Variants in RHOT2 observed in about 807,000 individuals in gnomAD.
RHOT2 encodes the protein mitochondrial Rho GTPase 2.
In RHOT2, 90 loss-of-function variants were observed where a neutral mutation model predicts 81.6. That is an observed-to-expected ratio of 1.10 (90% CI 0.93 to 1.31). RHOT2 has a LOEUF of 1.31. Ranked by LOEUF, RHOT2 falls within the 40% of genes most tolerant of loss-of-function variation. RHOT2 has a pLI of 0.00. For missense variants in RHOT2, 1,014 were observed against 841.9 expected (o/e 1.20, Z -2.53); for synonymous variants, 512 against 370.9 (o/e 1.38, Z -4.37).
chr16:673,801 C>T lies in RHOT2; in HGVS notation c.*195C>T. 1.4e-6 allele frequency: 1 copy of T among 736,702 alleles called. No individual in the cohort carries two copies. The highest frequency in any genetic ancestry group is 2.2e-6 in the Non-Finnish European group (1 of 461,974). 45.6% of individuals were successfully genotyped at this position (736,702 alleles called of 1,614,324 possible). On this transcript the variant is annotated 3_prime_UTR_variant, in exon 19 of 19. Coordinates refer to ENST00000315082, the MANE Select transcript of RHOT2 (RefSeq NM_138769.3). Reference sequence around the variant, plus strand: ...ATGCACTGCCCTGGCTCCTGCCGGACCCCCAGGGTGGGCCGTGGCAGGTGG... The same window carrying T: ...ATGCACTGCCCTGGCTCCTGCCGGATCCCCAGGGTGGGCCGTGGCAGGTGG...
rs1411811148 is a variant in RHOT2 at position 674,168 on chromosome 16, C to G, written c.*562C>G. 9.6e-6 allele frequency: 2 copies of G among 207,908 alleles called. No homozygotes were observed. Among genetic ancestry groups the G allele is most frequent in the Non-Finnish European group, 2.0e-5 (2 of 100,002 alleles). 12.9% of individuals were successfully genotyped at this position (207,908 alleles called of 1,614,324 possible). A position where few individuals can be genotyped will look rare whatever the true frequency, so the allele number is the denominator to read the frequency against. On this transcript the variant is annotated 3_prime_UTR_variant, in exon 19 of 19. Coordinates refer to ENST00000315082, the MANE Select transcript of RHOT2 (RefSeq NM_138769.3). ...CTGAAGACAACTTGCTTTGATTCAA[C>G]CTAGAATGTGTTGTTTGTCTTTATG...
chr16:669,613 C>T lies in RHOT2; in HGVS notation c.276+7C>T, dbSNP rs372000119. On this transcript the variant is annotated splice_region_variant and intron_variant, in intron 5 of 18. Transcript: ENST00000315082. ...GGAGGCCACCATTGAGAAGGTGAGC[C>T]CTCAGTGCAGACCCCAACAGCAGAG... 2.5e-6 allele frequency: 4 copies of T among 1,611,350 alleles called. No homozygotes were observed. The South Asian group carries it at 3.3e-5, about 13-fold the overall frequency.
intron 4 of RHOT2, chr16:668,974 C>T: frequency 1.9e-6 from 1 of 521,070 alleles, no homozygotes; most frequent in South Asian, 2.7e-5. Flanking sequence ...CCTGTGGGCT[C>T]TGTGTGCGCC....
At chr16:669,472 C>T in intron 4 of RHOT2, 81 bp from the exon 5 acceptor site, 1 of 1,453,794 alleles carries the variant, frequency 6.9e-7, no homozygotes, top group South Asian at 1.2e-5. Context: ...CTCCTGGAGC[C>T]TCGAGATGGC....
In RHOT2 at chr16:669,571, G is replaced by A. The variant is rs1208122147; in HGVS notation, c.241G>A (p.Val81Met). ...CCCTCAGGCAAACGTGGTGTGTGTG[G>A]TGTATGACGTCTCTGAGGAGGCCAC... ...EIHKANVVCV[V>M]YDVSEEATIE... is the part of the protein sequence containing the mutation. The change falls in exon 5 of 19, where the codon GTG becomes ATG. Residue 81 changes from valine to methionine, a missense_variant. Transcript: ENST00000315082. 1 of 1,611,978 alleles carries A rather than the reference G, an allele frequency of 6.2e-7. No homozygotes were observed. The highest frequency in any genetic ancestry group is 8.5e-7 in the Non-Finnish European group (1 of 1,179,924).
At position 671,081 on chromosome 16, in the gene RHOT2, A is replaced by G. The variant is rs1364607227; in HGVS notation, c.749-2A>G. On this transcript the variant is annotated splice_acceptor_variant, in intron 10 of 18. Coordinates refer to ENST00000315082, the MANE Select transcript of RHOT2 (RefSeq NM_138769.3). LOFTEE classifies it high-confidence loss of function. ...TGCTCCCCCTGCTTTGTCTCGGTGC[A>G]GGTTTCCTCTTCCTGAACACGCTCT... The G allele has an allele frequency of 2.5e-6, 4 of 1,608,638 alleles. No individual in the cohort carries two copies. The highest frequency in any genetic ancestry group is 3.4e-6 in the Non-Finnish European group (4 of 1,179,578).
intron 18 of RHOT2, 28 bp downstream of exon 18, chr16:673,158 G>T (rs1229286461): frequency 3.8e-6 from 6 of 1,599,622 alleles, no homozygotes; most frequent in Non-Finnish European, 3.4e-6. Flanking sequence ...CAGCCCTGGG[G>T]ACTAGCAGTG....
chr16:673,823 G>A lies in RHOT2; in HGVS notation c.*217G>A. ...GGACCCCCAGGGTGGGCCGTGGCAG[G>A]TGGCTGAGCAGGAGCTCCCAAGTGC... On this transcript the variant is annotated 3_prime_UTR_variant, in exon 19 of 19. Coordinates refer to ENST00000315082, the MANE Select transcript of RHOT2 (RefSeq NM_138769.3). The A allele has an allele frequency of 3.0e-6, 2 of 659,136 alleles. No homozygotes were observed. The highest frequency in any genetic ancestry group is 7.9e-4 in the Middle Eastern group (2 of 2,524). The allele number at this position is 659,136 out of a possible 1,614,324, so 40.8% of individuals were successfully genotyped here. A position where few individuals can be genotyped will look rare whatever the true frequency, so the allele number is the denominator to read the frequency against.
At chr16:671,294 T>G in intron 11 of RHOT2, 91 bp downstream of exon 11, 3 of 1,477,320 alleles carry the variant, frequency 2.0e-6, no homozygotes, top group Non-Finnish European at 2.7e-6. Flanking sequence ...ACGCTGGGGT[T>G]TGAGGCCTGC....
rs367626329 is a variant in RHOT2, at chr16:671,950, G to A, written c.1045G>A (p.Val349Ile). 5.0e-6 allele frequency: 8 copies of A among 1,612,208 alleles called. No individual in the cohort carries two copies. Among genetic ancestry groups the A allele is most frequent in the Non-Finnish European group, 5.1e-6 (6 of 1,179,836 alleles). ...CTGGGGCCCCGAGCTCCCACGCACA[G>A]TCCGCACAGAGGCCGGCCGGTTGCC... ...APWGPELPRT[V>I]RTEAGRLPLH... The change falls in exon 13 of 19, where the codon GTC becomes ATC. Residue 349 changes from valine (V) to isoleucine (I), a missense_variant. Coordinates refer to ENST00000315082, the MANE Select transcript of RHOT2 (RefSeq NM_138769.3).
Position 673,061 on chromosome 16 carries a change from TCTC to T in RHOT2, c.1664_1666del (p.Ser555del), listed in dbSNP as rs1291959419. 4 of 1,611,696 alleles carry T rather than the reference TCTC, an allele frequency of 2.5e-6. No individual in the cohort carries two copies. In the African/African-American group the frequency reaches 4.0e-5, roughly 16 times the overall value. On this transcript the variant is annotated inframe_deletion, in exon 18 of 19. Coordinates refer to ENST00000315082, the MANE Select transcript of RHOT2 (RefSeq NM_138769.3). ...CACCGGCTACCCGCTCCCGTGCCGT[TCTC>T]CTGTGCTGGCCCAGCCGAGCCCAGC...
rs2151464265 is a variant in RHOT2, at chr16:670,453, C to T, written c.439-3C>T. 3 of 1,605,278 alleles carry T rather than the reference C, an allele frequency of 1.9e-6. No homozygotes were observed. Among genetic ancestry groups the T allele is most frequent in the Non-Finnish European group, 2.6e-6 (3 of 1,175,862 alleles). ...TTCCCTGAGGCTGTTCCCACTTTCC[C>T]AGTGTTCGGCCAAGAACCTGAGGAA... On this transcript the variant is annotated splice_region_variant and splice_polypyrimidine_tract_variant and intron_variant, in intron 7 of 18. Coordinates refer to ENST00000315082, the MANE Select transcript of RHOT2 (RefSeq NM_138769.3).
In RHOT2 at chr16:669,599, T is replaced by C. The variant is rs1295422689; in HGVS notation, c.269T>C (p.Ile90Thr). 4 of 1,611,660 alleles carry C rather than the reference T, an allele frequency of 2.5e-6. No homozygotes were observed. The highest frequency in any genetic ancestry group is 1.3e-5 in the African/African-American group (1 of 74,888). The change falls in exon 5 of 19, where the codon ATT becomes ACT. Residue 90 changes from isoleucine to threonine, a missense_variant. Physicochemically the swap from Ile to Thr is moderately conservative, Grantham distance 89. Transcript: ENST00000315082. ...VVYDVSEEAT[I>T]EKIRTKWIPL... ...TATGACGTCTCTGAGGAGGCCACCATTGAGAAGGTGAGCCCTCAGTGCAGA... is the reference window on the plus strand; with the variant it reads ...TATGACGTCTCTGAGGAGGCCACCACTGAGAAGGTGAGCCCTCAGTGCAGA...
At position 668,385 on chromosome 16, in the gene RHOT2, C is replaced by T; in HGVS notation, c.70C>T (p.Leu24=). Residue 24 remains leucine, a synonymous_variant, in exon 2 of 19, where the codon CTG becomes TTG. Coordinates refer to ENST00000315082, the MANE Select transcript of RHOT2 (RefSeq NM_138769.3). ...QVGKTSLILS[L]VGEEFPEEVP... ...GGGGAAGACGTCGCTGATCCTGTCCCTGGTGGGCGAGGAGTTCCCCGAGGA... is the reference window on the plus strand; with the variant it reads ...GGGGAAGACGTCGCTGATCCTGTCCTTGGTGGGCGAGGAGTTCCCCGAGGA... 1.4e-6 allele frequency: 2 copies of T among 1,462,568 alleles called. No individual in the cohort carries two copies. The highest frequency in any genetic ancestry group is 1.8e-6 in the Non-Finnish European group (2 of 1,114,316). 90.6% of individuals were successfully genotyped at this position (1,462,568 alleles called of 1,614,324 possible).
rs1214624635 is a variant in RHOT2, at chr16:670,735, G to A, written c.601G>A (p.Asp201Asn). ...CTTCAGGCTCTCAGATCAGGACCTG[G>A]ACCAGGCGCTCAGTGACGAAGAGCT... Reference protein sequence around the residue: ...RIFRLSDQDLDQALSDEELNA... With the variant: ...RIFRLSDQDLNQALSDEELNA... The change falls in exon 9 of 19, where the codon GAC becomes AAC. Residue 201 changes from aspartate to asparagine, a missense_variant. By Grantham distance (23) the Asp-to-Asn change is conservative. Transcript: ENST00000315082. 1.9e-6 allele frequency: 3 copies of A among 1,612,310 alleles called. No individual in the cohort carries two copies. Among genetic ancestry groups the A allele is most frequent in the Non-Finnish European group, 2.5e-6 (3 of 1,179,952 alleles).
At position 672,753 on chromosome 16, in the gene RHOT2, C is replaced by T; in HGVS notation, c.1455C>T (p.Thr485=). 6.2e-7 allele frequency: 1 copy of T among 1,612,664 alleles called. No homozygotes were observed. The highest frequency in any genetic ancestry group is 8.5e-7 in the Non-Finnish European group (1 of 1,179,990). The part of the protein sequence containing the change: ...DGLLATSLDA[T]CDVACLMFDG... ...TGCTGGCCACATCGCTGGACGCCAC[C>T]TGTGACGTTGCCTGCTTGATGTTTG... Residue 485 remains threonine, a synonymous_variant, in exon 17 of 19, where the codon ACC becomes ACT. Coordinates refer to ENST00000315082, the MANE Select transcript of RHOT2 (RefSeq NM_138769.3).
intron 5 of RHOT2, 146 bp downstream of exon 5, chr16:669,752 C>A (rs756311753): frequency 3.8e-6 from 3 of 783,020 alleles, no homozygotes; most frequent in South Asian, 1.6e-5. Context: ...AGTCACCCGG[C>A]CCTCTCCTGT....
rs1260255464 is a variant in RHOT2, at chr16:670,574, G to A, written c.540+17G>A. ...GCCAAGCAGGTGAGCATCGGCTGGG[G>A]CCCCGCACGCTGGTTCCCCAGGGGC... On this transcript the variant is annotated intron_variant, in intron 8 of 18. Coordinates refer to ENST00000315082, the MANE Select transcript of RHOT2 (RefSeq NM_138769.3). The A allele has an allele frequency of 1.3e-6, 2 of 1,596,908 alleles. No individual in the cohort carries two copies. Among genetic ancestry groups the A allele is most frequent in the South Asian group, 1.1e-5 (1 of 89,118 alleles).
rs374449707 is a variant in RHOT2 at position 671,944 on chromosome 16, C to T, written c.1039C>T (p.Arg347Cys). The T allele has an allele frequency of 1.9e-5, 30 of 1,612,222 alleles. No individual in the cohort carries two copies. The highest frequency in any genetic ancestry group is 2.7e-5 in the African/African-American group (2 of 74,918). ...PAAPWGPELP[R>C]TVRTEAGRLP... ...AGCGCCCTGGGGCCCCGAGCTCCCA[C>T]GCACAGTCCGCACAGAGGCCGGCCG... is the stretch of plus-strand genomic sequence containing the variant. Residue 347 changes from arginine (R) to cysteine (C), a missense_variant, in exon 13 of 19, where the codon CGC becomes TGC. Arg to Cys is a radical substitution (Grantham distance 180, BLOSUM62 -3). Transcript: ENST00000315082.
Sources: allele counts gnomAD v4.1 joint callset, GRCh38; gene constraint gnomAD v4.1.1; transcripts MANE v1.5; gene names NCBI Gene and HGNC (gene_info 2026-07-23, HGNC 2026-07-21).